The following STK39 variants were observed in gnomAD, a reference collection of about 807,000 sequenced individuals.
STK39 encodes serine/threonine kinase 39, also known as STE20/SPS1-related proline-alanine-rich protein kinase.
Under a neutral mutation model 77.8 loss-of-function variants are expected in STK39, and 20 were observed. That is an observed-to-expected ratio of 0.26 (90% CI 0.18 to 0.37). STK39 has a LOEUF of 0.37. Among genes scored for constraint, STK39 ranks in the 10% least tolerant of loss-of-function variants. The pLI is 1.00. For synonymous variants in STK39, 246 were observed against 234.1 expected, an observed-to-expected ratio of 1.05 and a Z score of -0.47; for missense variants, 479 against 656.5, an observed-to-expected ratio of 0.73 and a Z score of 2.95.
At chr2:168,227,305 T>C (rs1690333319) in intron 1 of STK39, among the ~76,000 whole-genome samples, 1 of 152,234 alleles carries the variant, frequency 6.6e-6, no homozygotes, top group South Asian at 2.1e-4. Flanking sequence ...ATAAATATTA[T>C]ACATTTGTAA....
intron 10 of STK39, among the ~76,000 whole-genome samples, chr2:168,116,168 C>G (rs1433120070): frequency 6.6e-6 from 1 of 152,182 alleles, no homozygotes; most frequent in African/African-American, 2.4e-5. Context: ...CTGCCTCTCA[C>G]AGCTTTCCAC....
chr2:168,190,328 A>G (rs1248563004), intron 1 of STK39, among the ~76,000 whole-genome samples: 1 of 152,194 alleles, frequency 6.6e-6, no homozygotes, highest in Non-Finnish European at 1.5e-5. Context: ...CAAGGGGAAG[A>G]GCACTTTTAT....
chr2:168,094,056 T>C (rs972299772), intron 10 of STK39, among the ~76,000 whole-genome samples: 10 of 152,196 alleles, frequency 6.6e-5, no homozygotes, highest in Admixed American at 2.6e-4. Flanking sequence ...AGGACAACTA[T>C]AGGACCAAGT....
chr2:168,150,805 A>T (rs184098351), intron 5 of STK39, among the ~76,000 whole-genome samples: 149 of 152,168 alleles, frequency 9.8e-4, no homozygotes, highest in Middle Eastern at 3.4e-3. Context: ...TACTATTAGT[A>T]ATCAGTTATT....
intron 5 of STK39, among the ~76,000 whole-genome samples, chr2:168,155,338 CT>C (rs2105568709): frequency 6.6e-6 from 1 of 152,288 alleles, no homozygotes; most frequent in African/African-American, 2.4e-5. Context: ...GTTTCCAGAA[CT>C]GAGTACATTC....
rs190926855 is a variant in STK39 at position 168,139,628 on chromosome 2, A to G, written c.840+661T>C. ...CTCCCAAATTTTTCCAGTAACCATGAAACAATCATAGACCATACTCTATGT... is the reference window on the plus strand; with the variant it reads ...CTCCCAAATTTTTCCAGTAACCATGGAACAATCATAGACCATACTCTATGT... On this transcript the variant is annotated intron_variant, in intron 7 of 17. Transcript: ENST00000355999. 2.6e-5 allele frequency among the ~76,000 whole-genome samples: 4 copies of G among 152,238 alleles called. No individual in the cohort carries two copies. The East Asian group carries it at 7.7e-4, about 29-fold the overall frequency.
intron 10 of STK39, among the ~76,000 whole-genome samples, chr2:168,089,890 C>T (rs553172433): frequency 7.9e-5 from 12 of 152,306 alleles, no homozygotes; most frequent in Admixed American, 7.8e-4. Context: ...TGAGCCACCG[C>T]ACCTGGTCTA....
intron 1 of STK39, among the ~76,000 whole-genome samples, chr2:168,221,093 G>A (rs1263138117): frequency 6.6e-6 from 1 of 152,142 alleles, no homozygotes; most frequent in Non-Finnish European, 1.5e-5. Flanking sequence ...GTGAACACAT[G>A]AGCAGGATGA....
chr2:168,136,420 T>C (rs2105521678), intron 8 of STK39, among the ~76,000 whole-genome samples: 1 of 151,540 alleles, frequency 6.6e-6, no homozygotes, highest in Non-Finnish European at 1.5e-5. Flanking sequence ...ATATAATGTA[T>C]GTCAATCTAA....
chr2:168,046,283 T>G (rs948465101), intron 14 of STK39, among the ~76,000 whole-genome samples: 8 of 152,192 alleles, frequency 5.3e-5, no homozygotes, highest in Admixed American at 3.3e-4. Flanking sequence ...GGAGAATTGC[T>G]TGAACCTGAG....
intron 17 of STK39, among the ~76,000 whole-genome samples, chr2:167,956,696 A>ACACACACC (rs776309488): frequency 2.0e-5 from 1 of 49,014 alleles, no homozygotes. Flanking sequence ...ACACACACAC[A>ACACACACC]CTCTCTCTCT....
At chr2:168,034,587 T>A (rs1024695078) in intron 14 of STK39, among the ~76,000 whole-genome samples, 2 of 152,226 alleles carry the variant, frequency 1.3e-5, no homozygotes, top group African/African-American at 4.8e-5. Flanking sequence ...GCACTGATGT[T>A]ACACACTCTC....
At chr2:168,227,463 C>T (rs762262476) in intron 1 of STK39, among the ~76,000 whole-genome samples, 20 of 152,200 alleles carry the variant, frequency 1.3e-4, no homozygotes, top group Non-Finnish European at 2.1e-4. Flanking sequence ...TCTCCCACAT[C>T]CGCATGAAAT....
chr2:168,208,456 G>T (rs1689797303), intron 1 of STK39, among the ~76,000 whole-genome samples: 1 of 152,088 alleles, frequency 6.6e-6, no homozygotes, highest in African/African-American at 2.4e-5. Context: ...ATATTGCTTG[G>T]GTTGTGAATA....
In STK39 at chr2:167,955,162, TATTTC is replaced by T; in HGVS notation, c.*329_*333del. The T allele has an allele frequency of 5.6e-6, 1 of 178,956 alleles. No individual in the cohort carries two copies. The highest frequency in any genetic ancestry group is 1.6e-4 in the South Asian group (1 of 6,448). 11.1% of individuals were successfully genotyped at this position (178,956 alleles called of 1,614,324 possible). A position where few individuals can be genotyped will look rare whatever the true frequency, so the allele number is the denominator to read the frequency against. ...GCCAATAAATAAGACCACCTGAGTG[TATTTC>T]AGATTCTTTTCACTTAAGGGATATC... On this transcript the variant is annotated 3_prime_UTR_variant, in exon 18 of 18. Coordinates refer to ENST00000355999, the MANE Select transcript of STK39 (RefSeq NM_013233.3).
chr2:168,055,300 T>C (rs1434268516), intron 14 of STK39, among the ~76,000 whole-genome samples: 6 of 152,244 alleles, frequency 3.9e-5, no homozygotes, highest in African/African-American at 1.4e-4. Context: ...GCTAAAACAA[T>C]GGCCAACATC....
At chr2:168,181,834 G>T in intron 2 of STK39, 144 bp downstream of exon 2, 1 of 627,986 alleles carries the variant, frequency 1.6e-6, no homozygotes, top group Non-Finnish European at 2.9e-6. Flanking sequence ...CCATTAATCT[G>T]GGGAGCAGGA....
chr2:168,068,296 A>G (rs1685848709), intron 12 of STK39, among the ~76,000 whole-genome samples: 1 of 152,200 alleles, frequency 6.6e-6, no homozygotes, highest in African/African-American at 2.4e-5. Flanking sequence ...ATAAGAGAGG[A>G]AAAGATCTCA....
intron 2 of STK39, among the ~76,000 whole-genome samples, chr2:168,168,743 C>T (rs1321118972): frequency 6.6e-6 from 1 of 152,210 alleles, no homozygotes; most frequent in Non-Finnish European, 1.5e-5. Context: ...GTAATCCCAA[C>T]ACTTTGGGAG....
Sources: allele counts gnomAD v4.1 joint callset (sites outside exome capture counted in the v4.1 genomes callset), GRCh38; gene constraint gnomAD v4.1.1; transcripts MANE v1.5; gene names NCBI Gene and HGNC (gene_info 2026-07-23, HGNC 2026-07-21).